The following HYDIN variants were observed in gnomAD, a reference collection of about 807,000 sequenced individuals.
HYDIN encodes axonemal central pair apparatus protein HYDIN.
In HYDIN, 132 loss-of-function variants were observed where a neutral mutation model predicts 403.9. The observed-to-expected ratio is 0.33, with a 90% CI of 0.28 to 0.38. The LOEUF (loss-of-function observed/expected upper bound fraction) is 0.38, where lower values mean the gene tolerates loss of function less well. HYDIN is among the 10% of genes least tolerant of loss of function. HYDIN has a pLI of 1.00. For missense variants in HYDIN, 2,827 were observed against 5,009.5 expected, an observed-to-expected ratio of 0.56 and a Z score of 13.15; for synonymous variants, 1,202 against 1,891.7, an observed-to-expected ratio of 0.64 and a Z score of 9.46.
At chr16:70,854,046 ACG>A (rs1252897262) in intron 73 of HYDIN, among the ~76,000 whole-genome samples, 1 of 150,306 alleles carries the variant, frequency 6.7e-6, no homozygotes, top group East Asian at 2.0e-4. Flanking sequence ...CGCCTGGCTA[ACG>A]TTTGTAGTTT....
At position 70,829,775 on chromosome 16, in the gene HYDIN, G is replaced by A. The variant is rs1255595445; in HGVS notation, c.13955C>T (p.Ser4652Leu). ...RSKHTQTILL[S>L]NRTNQTWNLH... Reference sequence around the variant, plus strand: ...ATTCCAGGTCTGGTTGGTGCGGTTTGACAGCAGGATGGTCTGCGTGTGCTT... The same window carrying A: ...ATTCCAGGTCTGGTTGGTGCGGTTTAACAGCAGGATGGTCTGCGTGTGCTT... Residue 4652 changes from serine to leucine, a missense_variant, in exon 81 of 86, where the codon TCA becomes TTA. Physicochemically the swap from Ser to Leu is moderately radical, Grantham distance 145. Transcript: ENST00000393567. The A allele has an allele frequency of 1.2e-6, 2 of 1,613,942 alleles. No individual in the cohort carries two copies. The highest frequency in any genetic ancestry group is 1.1e-5 in the South Asian group (1 of 91,074).
chr16:70,970,571 G>A lies in HYDIN; in HGVS notation c.5568C>T (p.Pro1856=), dbSNP rs765891442. ...EVIVKNPCNF[P]IEFYSLEFDQ... is the part of the protein sequence containing the mutation. The stretch of plus-strand genomic sequence containing the variant: ...CAAATTCTAAGGAATAAAACTCAAT[G>A]GGGAAGTTGCAGGGATTCTTCACTA... The change falls in exon 36 of 86, where the codon CCC becomes CCT. Residue 1856 remains proline (P), a synonymous_variant. Transcript: ENST00000393567. The A allele has an allele frequency of 5.2e-5, 69 of 1,338,568 alleles. No individual in the cohort carries two copies. Among genetic ancestry groups the A allele is most frequent in the Admixed American group, 8.8e-5 (5 of 56,634 alleles). The allele number at this position is 1,338,568 out of a possible 1,614,324, so 82.9% of individuals were successfully genotyped here. A position where few individuals can be genotyped will look rare whatever the true frequency, so the allele number is the denominator to read the frequency against.
intron 3 of HYDIN, among the ~76,000 whole-genome samples, chr16:71,184,576 T>C (rs2087052752): frequency 6.6e-6 from 1 of 152,178 alleles, no homozygotes; most frequent in South Asian, 2.1e-4. Context: ...TTGACTAATA[T>C]AATTCTTAGA....
rs2143981646 is a variant in HYDIN, at chr16:70,970,634, T to C, written c.5505A>G (p.Pro1835=). ...CGTCTCCAGGTGCACAAAGTAGCAG[T>C]GGCCCCAGATCCAGGACTGAAGGAC... is the stretch of plus-strand genomic sequence containing the variant. ...EFSPSVLDLG[P]LLLCAPGDEA... The change falls in exon 36 of 86, where the codon CCA becomes CCG. Residue 1835 remains proline, a synonymous_variant. Coordinates refer to ENST00000393567, the MANE Select transcript of HYDIN (RefSeq NM_001270974.2). The C allele has an allele frequency of 1.3e-6, 2 of 1,501,812 alleles. No individual in the cohort carries two copies. The highest frequency in any genetic ancestry group is 1.9e-6 in the Non-Finnish European group (2 of 1,080,790). The allele number at this position is 1,501,812 out of a possible 1,614,324, so 93.0% of individuals were successfully genotyped here.
intron 25 of HYDIN, among the ~76,000 whole-genome samples, chr16:70,990,394 CAAAAAAAAAAAAAAAAAAAAA>C (rs72381537): frequency 2.8e-3 from 24 of 8,680 alleles, no homozygotes; most frequent in East Asian, 9.6e-3. Context: ...GACTCTGCCT[CAAAAAAAAAAAAAAAAAAAAA>C]AAAAAAAAAA....
chr16:71,070,247 C>CTTTCTTTCTTTCT (rs779722652), intron 13 of HYDIN, among the ~76,000 whole-genome samples: 1 of 48,074 alleles, frequency 2.1e-5, no homozygotes, highest in African/African-American at 2.3e-4. Flanking sequence ...TCTTTCTTTT[C>CTTTCTTTCTTTCT]TTTCTTTCTT....
At chr16:71,006,903 CTT>C (rs2144088833) in intron 23 of HYDIN, among the ~76,000 whole-genome samples, 1 of 152,236 alleles carries the variant, frequency 6.6e-6, no homozygotes, top group South Asian at 2.1e-4. Context: ...GTATGAACCT[CTT>C]GTTTCCTCAT....
intron 1 of HYDIN, among the ~76,000 whole-genome samples, chr16:71,222,917 C>T (rs1333847837): frequency 6.6e-6 from 1 of 152,032 alleles, no homozygotes; most frequent in Non-Finnish European, 1.5e-5. Flanking sequence ...CCATACTACC[C>T]AAAGCGATTC....
At chr16:71,079,035 GA>G (rs2082704111) in intron 13 of HYDIN, among the ~76,000 whole-genome samples, 1 of 151,946 alleles carries the variant, frequency 6.6e-6, no homozygotes, top group African/African-American at 2.4e-5. Context: ...CAACTTCTAG[GA>G]AGTGTCCTTA....
chr16:70,810,003 G>A lies in HYDIN; in HGVS notation c.14663C>T (p.Thr4888Met), dbSNP rs760801359. ...CAGGGGCTGAAATTCAAATGAGAAC[G>A]TGCCCTGGAAGAGAAAACAGAGGAT... ...QFVVPANSEG[T>M]FSFEFQPLKA... is the part of the protein sequence containing the mutation. The change falls in exon 85 of 86, where the codon ACG (threonine) becomes ATG (methionine). Residue 4888 changes from threonine (T) to methionine (M), a missense_variant. Transcript: ENST00000393567. The A allele has an allele frequency of 1.2e-5, 20 of 1,613,870 alleles. No homozygotes were observed. The highest frequency in any genetic ancestry group is 6.7e-5 in the African/African-American group (5 of 74,912).
chr16:70,948,643 C>A (rs77326832), intron 41 of HYDIN, among the ~76,000 whole-genome samples: 1 of 151,704 alleles, frequency 6.6e-6, no homozygotes, highest in Non-Finnish European at 1.5e-5. Context: ...AAAAAGTGGG[C>A]AAAGGACATG....
At chr16:70,822,915 A>G (rs973303332) in intron 83 of HYDIN, among the ~76,000 whole-genome samples, 5 of 135,254 alleles carry the variant, frequency 3.7e-5, no homozygotes, top group African/African-American at 1.4e-4. Flanking sequence ...ATGTACCAGG[A>G]AACAAAAAAT....
chr16:70,910,491 C>T (rs1476108594), intron 47 of HYDIN, among the ~76,000 whole-genome samples: 3 of 152,214 alleles, frequency 2.0e-5, no homozygotes, highest in Non-Finnish European at 4.4e-5. Flanking sequence ...GACTGATGGG[C>T]ATTTGGGATG....
rs974995476 is a variant in HYDIN, at chr16:70,803,463, T to G, written c.*4117A>C. 6.6e-6 allele frequency among the ~76,000 whole-genome samples: 1 copy of G among 152,252 alleles called. No homozygotes were observed. Among genetic ancestry groups the G allele is most frequent in the Admixed American group, 6.5e-5 (1 of 15,292 alleles). ...AAACTCTTCTAGACTAGGGGATAAC[T>G]GATGTGCCTGACTGCATACTAGTCA... On this transcript the variant is annotated 3_prime_UTR_variant, in exon 86 of 86. Transcript: ENST00000393567.
intron 45 of HYDIN, among the ~76,000 whole-genome samples, chr16:70,925,338 C>T (rs2077117919): frequency 6.6e-6 from 1 of 152,282 alleles, no homozygotes; most frequent in Non-Finnish European, 1.5e-5. Flanking sequence ...TGGCATCTTT[C>T]TACATATGGC....
At chr16:71,169,996 T>C (rs2144625118) in intron 5 of HYDIN, among the ~76,000 whole-genome samples, 1 of 152,294 alleles carries the variant, frequency 6.6e-6, no homozygotes, top group East Asian at 1.9e-4. Context: ...CTCTTACCAA[T>C]GAGGAAAGAG....
chr16:71,163,830 T>C (rs1361875809), intron 5 of HYDIN, among the ~76,000 whole-genome samples: 1 of 152,234 alleles, frequency 6.6e-6, no homozygotes, highest in African/African-American at 2.4e-5. Flanking sequence ...AAGTGCTTAT[T>C]ATTTTAAGCC....
At chr16:71,012,626 G>A (rs1166038209) in intron 23 of HYDIN, among the ~76,000 whole-genome samples, 1 of 152,206 alleles carries the variant, frequency 6.6e-6, no homozygotes, top group East Asian at 1.9e-4. Context: ...GAAGGAACAT[G>A]AGAGTGTCTA....
Position 70,960,785 on chromosome 16 carries a change from G to A in HYDIN, c.5969-965C>T, listed in dbSNP as rs535882659. 1.4e-4 allele frequency among the ~76,000 whole-genome samples: 21 copies of A among 152,172 alleles called. No individual in the cohort carries two copies. In the East Asian group the frequency reaches 1.7e-3, roughly 13 times the overall value. On this transcript the variant is annotated intron_variant, in intron 38 of 85. Coordinates refer to ENST00000393567, the MANE Select transcript of HYDIN (RefSeq NM_001270974.2). ...TGGCTCACTGCAACCTCCGCCTCCCGGGTTCAAGTGATTCTCCTGCCTCAG... is the reference window on the plus strand; with the variant it reads ...TGGCTCACTGCAACCTCCGCCTCCCAGGTTCAAGTGATTCTCCTGCCTCAG...
Sources: gnomAD v4.1 joint callset for allele counts (sites outside exome capture counted in the v4.1 genomes callset) on GRCh38, gnomAD v4.1.1 for gene constraint, MANE v1.5 for transcripts, NCBI Gene and HGNC (gene_info 2026-07-23, HGNC 2026-07-21) for gene names.